PCCA: variants seen among roughly 807,000 people sequenced by gnomAD.
PCCA encodes propionyl-CoA carboxylase alpha chain, mitochondrial.
Under a neutral mutation model 101.3 loss-of-function variants are expected in PCCA, and 74 were observed. The ratio of observed to expected loss-of-function variants is 0.73; its 90% confidence interval spans 0.61 to 0.89. The LOEUF (loss-of-function observed/expected upper bound fraction) is 0.89. Among genes scored for constraint, PCCA ranks in the 40% least tolerant of loss-of-function variants. The probability of loss-of-function intolerance (pLI) is 0.00; values close to 1 mark genes in which losing one functional copy is unlikely to be tolerated. For missense variants in PCCA, 891 were observed against 907.0 expected, an observed-to-expected ratio of 0.98 and a Z score of 0.23; for synonymous variants, 294 against 313.6, an observed-to-expected ratio of 0.94 and a Z score of 0.66.
At position 100,530,356 on chromosome 13, in the gene PCCA, C is replaced by G. The variant is rs41281124; in HGVS notation, c.*190C>G. ...ATGGAAATTTTCATTGATATAAATA[C>G]TTGTACATATGATTTGTACTTCTGC... On this transcript the variant is annotated 3_prime_UTR_variant, in exon 24 of 24. Transcript: ENST00000376285. 1.6e-3 allele frequency: 1,051 copies of G among 645,374 alleles called. 2 individuals are homozygous for G. Among genetic ancestry groups the G allele is most frequent in the Non-Finnish European group, 2.5e-3 (889 of 356,332 alleles). 40.0% of individuals were successfully genotyped at this position (645,374 alleles called of 1,614,324 possible).
At chr13:100,180,020 G>A (rs2056645242) in intron 6 of PCCA, among the ~76,000 whole-genome samples, 1 of 152,080 alleles carries the variant, frequency 6.6e-6, no homozygotes, top group South Asian at 2.1e-4. Context: ...AGGTTGAAAG[G>A]GTAGGTGGCT....
At chr13:100,263,076 A>AT (rs1334884866) in intron 10 of PCCA, among the ~76,000 whole-genome samples, 1 of 152,120 alleles carries the variant, frequency 6.6e-6, no homozygotes, top group Non-Finnish European at 1.5e-5. Context: ...ATTATAGGGC[A>AT]TTTTTTAAAA....
intron 6 of PCCA, among the ~76,000 whole-genome samples, chr13:100,178,807 G>T (rs1042387362): frequency 6.6e-6 from 1 of 152,064 alleles, no homozygotes; most frequent in African/African-American, 2.4e-5. Flanking sequence ...GCCGGGCGCG[G>T]TGGCTCATGC....
At chr13:100,446,291 A>G (rs573352964) in intron 20 of PCCA, among the ~76,000 whole-genome samples, 67 of 152,166 alleles carry the variant, frequency 4.4e-4, no homozygotes, top group Middle Eastern at 3.4e-3. Context: ...TAGCCTCCCA[A>G]AGTGCTGGGA....
intron 7 of PCCA, among the ~76,000 whole-genome samples, chr13:100,222,322 C>A (rs1339534366): frequency 6.6e-6 from 1 of 152,022 alleles, no homozygotes; most frequent in African/African-American, 2.4e-5. Flanking sequence ...GGTGATCCGC[C>A]CTCCTCAGCC....
At chr13:100,294,294 A>G (rs1490252295) in intron 12 of PCCA, among the ~76,000 whole-genome samples, 4 of 152,172 alleles carry the variant, frequency 2.6e-5, no homozygotes, top group Non-Finnish European at 5.9e-5. Flanking sequence ...ATACAGTCAC[A>G]TTCTGAGGTG....
intron 16 of PCCA, among the ~76,000 whole-genome samples, chr13:100,318,962 G>A (rs1358244430): frequency 6.6e-6 from 1 of 152,120 alleles, no homozygotes; most frequent in African/African-American, 2.4e-5. Flanking sequence ...CAGTGTAAAA[G>A]TGTTCCTATT....
chr13:100,104,580 C>T (rs1386506541), intron 2 of PCCA: 2 of 152,382 alleles, frequency 1.3e-5, no homozygotes, highest in East Asian at 3.9e-4. Context: ...CTGAAGTCTC[C>T]CCAGCCATGC....
At chr13:100,309,522 T>G (rs1263775103) in intron 15 of PCCA, among the ~76,000 whole-genome samples, 1 of 152,192 alleles carries the variant, frequency 6.6e-6, no homozygotes, top group East Asian at 1.9e-4. Flanking sequence ...TCAAATCCTA[T>G]CTCATATATT....
chr13:100,348,459 T>C (rs564502696), intron 18 of PCCA, among the ~76,000 whole-genome samples: 1 of 152,330 alleles, frequency 6.6e-6, no homozygotes, highest in East Asian at 1.9e-4. Context: ...TTTTAATAAT[T>C]ATTCTTAAAC....
intron 9 of PCCA, among the ~76,000 whole-genome samples, chr13:100,260,285 C>G (rs565844022): frequency 5.3e-5 from 8 of 152,152 alleles, no homozygotes; most frequent in African/African-American, 1.9e-4. Flanking sequence ...TACCTTTTCT[C>G]TGAGACCTCT....
chr13:100,530,002 CTG>C (rs2088275913), intron 23 of PCCA, 94 bp from the exon 24 acceptor site: 2 of 923,846 alleles, frequency 2.2e-6, no homozygotes, highest in Non-Finnish European at 3.5e-6. Context: ...GCTTGCAGGA[CTG>C]TGCATTTTTA....
At chr13:100,451,239 A>G (rs781014003) in intron 21 of PCCA, among the ~76,000 whole-genome samples, 1 of 152,100 alleles carries the variant, frequency 6.6e-6, no homozygotes, top group Non-Finnish European at 1.5e-5. Flanking sequence ...ATCTTCGATG[A>G]TACATCTCAG....
chr13:100,460,243 C>G (rs1435815544), intron 21 of PCCA, among the ~76,000 whole-genome samples: 1 of 152,172 alleles, frequency 6.6e-6, no homozygotes, highest in African/African-American at 2.4e-5. Flanking sequence ...TTTACTTAAC[C>G]AGAATTCCTT....
At chr13:100,111,698 T>A in intron 2 of PCCA, 143 bp from the exon 3 acceptor site, 1 of 638,394 alleles carries the variant, frequency 1.6e-6, no homozygotes, top group African/African-American at 1.8e-5. Context: ...CTGTAAGTAA[T>A]ATAGTATTTA....
intron 19 of PCCA, among the ~76,000 whole-genome samples, chr13:100,373,185 T>A (rs1420457967): frequency 6.6e-6 from 1 of 152,212 alleles, no homozygotes; most frequent in Non-Finnish European, 1.5e-5. Flanking sequence ...CATGACAAGA[T>A]GCTCAATATC....
intron 4 of PCCA, among the ~76,000 whole-genome samples, chr13:100,131,972 T>C (rs2050562526): frequency 6.6e-6 from 1 of 152,200 alleles, no homozygotes; most frequent in South Asian, 2.1e-4. Flanking sequence ...TTTTGAGGAA[T>C]TCACATTTTG....
intron 4 of PCCA, among the ~76,000 whole-genome samples, chr13:100,142,720 C>T (rs1191628206): frequency 6.6e-6 from 1 of 152,116 alleles, no homozygotes. Context: ...GTGATCCACC[C>T]GCCTCGGCCT....
At chr13:100,092,625 C>T (rs543218306) in intron 1 of PCCA, among the ~76,000 whole-genome samples, 134 of 152,324 alleles carry the variant, frequency 8.8e-4, no homozygotes, top group African/African-American at 3.1e-3. Flanking sequence ...AACTCCTGAA[C>T]TCAAGCAATC....
Sources: gnomAD v4.1 joint callset for allele counts (sites outside exome capture counted in the v4.1 genomes callset) on GRCh38, gnomAD v4.1.1 for gene constraint, MANE v1.5 for transcripts, NCBI Gene and HGNC (gene_info 2026-07-23, HGNC 2026-07-21) for gene names.